Variants in PRKAG2 observed in about 807,000 individuals in gnomAD.
PRKAG2 encodes 5'-AMP-activated protein kinase subunit gamma-2.
Under a neutral mutation model 69.6 loss-of-function variants are expected in PRKAG2, and 26 were observed. The ratio of observed to expected loss-of-function variants is 0.37; its 90% CI spans 0.27 to 0.52. The LOEUF (loss-of-function observed/expected upper bound fraction) is 0.52. Ranked by LOEUF, PRKAG2 falls within the 20% of genes least tolerant of loss-of-function variation. The pLI is 0.90. For missense variants in PRKAG2, 557 were observed against 740.0 expected (o/e 0.75, Z 2.87); for synonymous variants, 293 against 285.0 (o/e 1.03, Z -0.28).
chr7:151,826,207 G>A (rs2078902570), intron 1 of PRKAG2, among the ~76,000 whole-genome samples: 1 of 151,114 alleles, frequency 6.6e-6, no homozygotes, highest in Non-Finnish European at 1.5e-5. Flanking sequence ...TTTTGACAGA[G>A]TCTTGCTCTG....
chr7:151,658,489 A>C (rs567274870), intron 4 of PRKAG2, among the ~76,000 whole-genome samples: 1 of 151,974 alleles, frequency 6.6e-6, no homozygotes, highest in East Asian at 1.9e-4. Flanking sequence ...TCGCAAAAAA[A>C]AAAAAAAAAA....
intron 1 of PRKAG2, among the ~76,000 whole-genome samples, chr7:151,847,080 A>G (rs2079450153): frequency 6.6e-6 from 1 of 152,218 alleles, no homozygotes; most frequent in African/African-American, 2.4e-5. Flanking sequence ...TGCAAAGCCC[A>G]TGCTTGACGG....
At chr7:151,827,745 TAAAAAAAAAA>T (rs55685618) in intron 1 of PRKAG2, among the ~76,000 whole-genome samples, 15 of 52,258 alleles carry the variant, frequency 2.9e-4, no homozygotes, top group East Asian at 6.8e-4. Context: ...TGGCCTTAGG[TAAAAAAAAAA>T]AAAAAAAAAA....
chr7:151,727,961 G>C (rs1010824437), intron 3 of PRKAG2, among the ~76,000 whole-genome samples: 16 of 152,280 alleles, frequency 1.1e-4, no homozygotes, highest in Admixed American at 3.9e-4. Context: ...TTAGCCTCAG[G>C]GCCCTGGGGC....
chr7:151,825,395 C>A (rs1038400579), intron 1 of PRKAG2, among the ~76,000 whole-genome samples: 1 of 152,174 alleles, frequency 6.6e-6, no homozygotes, highest in African/African-American at 2.4e-5. Context: ...GTATATGATT[C>A]GTACCCTCAA....
At chr7:151,592,745 A>G (rs1813532071) in intron 6 of PRKAG2, among the ~76,000 whole-genome samples, 1 of 152,190 alleles carries the variant, frequency 6.6e-6, no homozygotes, top group Non-Finnish European at 1.5e-5. Context: ...ATTCTATTAT[A>G]TGCCTATGCG....
At position 151,732,276 on chromosome 7, in the gene PRKAG2, C is replaced by A. The variant is rs141988781; in HGVS notation, c.466+48876G>T. Among the ~76,000 whole-genome samples the A allele has an allele frequency of 4.5e-3, 688 of 151,946 alleles. 6 individuals are homozygous for A. Among genetic ancestry groups the A allele is most frequent in the African/African-American group, 0.016 (650 of 41,422 alleles). On this transcript the variant is annotated intron_variant, in intron 3 of 15. Transcript: ENST00000287878. ...AACTCAGCCTTCCAATTAGCTGGGA[C>A]TACCGACATGCACCACCACGCCTGG...
At position 151,638,467 on chromosome 7, in the gene PRKAG2, C is replaced by T. The variant is rs1585415216; in HGVS notation, c.685-6329G>A. Among the ~76,000 whole-genome samples the T allele has an allele frequency of 1.3e-5, 2 of 152,252 alleles. No homozygotes were observed. Among genetic ancestry groups the T allele is most frequent in the East Asian group, 3.9e-4 (2 of 5,178 alleles). On this transcript the variant is annotated intron_variant, in intron 4 of 15. Coordinates refer to ENST00000287878, the MANE Select transcript of PRKAG2 (RefSeq NM_016203.4). The surrounding 1 kb of genome is among the most constrained non-coding windows in gnomAD (Gnocchi z 4.3). ...GGCCAACATGGTGAAAACCCCGTCT[C>T]TACTAAAAATACAAAAATTAGCCGG...
intron 1 of PRKAG2, chr7:151,809,952 T>A (rs1183666085): frequency 6.6e-6 from 1 of 152,306 alleles, no homozygotes; most frequent in Non-Finnish European, 1.5e-5. Flanking sequence ...AGGCAGGGTA[T>A]GAGCCACAGC....
At chr7:151,585,009 T>C (rs996764744) in intron 6 of PRKAG2, among the ~76,000 whole-genome samples, 1 of 152,116 alleles carries the variant, frequency 6.6e-6, no homozygotes, top group Non-Finnish European at 1.5e-5. Flanking sequence ...CACCATGAAC[T>C]GACCACAAGA....
chr7:151,577,220 G>A (rs1809169300), intron 6 of PRKAG2, among the ~76,000 whole-genome samples: 1 of 152,136 alleles, frequency 6.6e-6, no homozygotes, highest in Non-Finnish European at 1.5e-5. Context: ...AAAAAGGTAT[G>A]AAAGATACAA....
intron 3 of PRKAG2, among the ~76,000 whole-genome samples, chr7:151,742,161 C>G (rs897904470): frequency 6.6e-6 from 1 of 152,198 alleles, no homozygotes; most frequent in Non-Finnish European, 1.5e-5. Context: ...ATCCTTCCAC[C>G]ATACCATACT....
intron 6 of PRKAG2, among the ~76,000 whole-genome samples, chr7:151,590,552 T>G (rs1812817806): frequency 1.3e-5 from 2 of 152,142 alleles, no homozygotes; most frequent in African/African-American, 4.8e-5. Flanking sequence ...AACAGCTGGC[T>G]CCCCAGTGTC....
intron 14 of PRKAG2, 37 bp from the exon 15 acceptor site, chr7:151,560,654 T>G: frequency 6.2e-7 from 1 of 1,612,844 alleles, no homozygotes; most frequent in African/African-American, 1.3e-5. Context: ...AAAATTAACA[T>G]TTAAAAAAGG....
chr7:151,789,931 T>C (rs979565070), intron 1 of PRKAG2, among the ~76,000 whole-genome samples: 17 of 152,172 alleles, frequency 1.1e-4, no homozygotes, highest in Admixed American at 2.0e-4. Context: ...TGTTCTCTGT[T>C]CCGGTCTCCT....
intron 1 of PRKAG2, among the ~76,000 whole-genome samples, chr7:151,830,787 CGGG>C (rs58030412): frequency 5.2e-5 from 6 of 114,422 alleles, no homozygotes; most frequent in African/African-American, 1.5e-4. Context: ...GGGGGCGGGG[CGGG>C]GGGGGGTTGT....
At chr7:151,834,104 G>A (rs1375263772) in intron 1 of PRKAG2, among the ~76,000 whole-genome samples, 1 of 152,036 alleles carries the variant, frequency 6.6e-6, no homozygotes, top group Non-Finnish European at 1.5e-5. Context: ...ATCATTCCCC[G>A]ACAGCAGTTA....
chr7:151,712,324 C>T (rs1212075626), intron 3 of PRKAG2, among the ~76,000 whole-genome samples: 1 of 152,200 alleles, frequency 6.6e-6, no homozygotes, highest in African/African-American at 2.4e-5. Context: ...CCTGGACATC[C>T]TGTGTGGCCT....
At chr7:151,786,138 C>T (rs777704331) in intron 2 of PRKAG2, among the ~76,000 whole-genome samples, 7 of 152,292 alleles carry the variant, frequency 4.6e-5, no homozygotes, top group African/African-American at 9.6e-5. Context: ...CGGCAGTGAC[C>T]GATACCTTCC....
Sources: gnomAD v4.1 joint callset for allele counts (sites outside exome capture counted in the v4.1 genomes callset) on GRCh38, gnomAD v4.1.1 for gene constraint, Gnocchi (gnomAD v3.1) non-coding constraint, MANE v1.5 for transcripts, NCBI Gene and HGNC (gene_info 2026-07-23, HGNC 2026-07-21) for gene names.